TJP2: variants seen among roughly 807,000 people sequenced by gnomAD.
TJP2 encodes tight junction protein 2.
TJP2 carries 91 observed loss-of-function variants against 133.1 expected under a neutral mutation model. The observed-to-expected ratio is 0.68, with a 90% CI of 0.58 to 0.81. The LOEUF (loss-of-function observed/expected upper bound fraction) is 0.81, where lower values mean the gene tolerates loss of function less well. Among genes scored for constraint, TJP2 ranks in the 40% least tolerant of loss-of-function variants. TJP2 has a pLI of 0.00. For missense variants in TJP2, 1,541 were observed against 1,565.6 expected (o/e 0.98, Z 0.26); for synonymous variants, 592 against 583.4 (o/e 1.01, Z -0.21).
intron 18 of TJP2, among the ~76,000 whole-genome samples, chr9:69,247,161 A>T (rs1563958166): frequency 1.3e-5 from 2 of 152,234 alleles, no homozygotes. Context: ...GAATACGGCT[A>T]AACATTAATA....
intron 1 of TJP2, among the ~76,000 whole-genome samples, chr9:69,134,249 TACA>T (rs1822629864): frequency 6.6e-6 from 1 of 152,188 alleles, no homozygotes; most frequent in African/African-American, 2.4e-5. Context: ...GTGAAATGGA[TACA>T]ACGTCAGCAA....
At chr9:69,173,861 G>A (rs1017249282), upstream of TJP2, among the ~76,000 whole-genome samples, 1 of 152,202 alleles carries the variant, frequency 6.6e-6, no homozygotes, top group Non-Finnish European at 1.5e-5. Context: ...GCTCACTCCA[G>A]GTCTCCAAAC....
intron 1 of TJP2, among the ~76,000 whole-genome samples, chr9:69,180,664 G>C (rs948112540): frequency 6.6e-6 from 1 of 152,130 alleles, no homozygotes; most frequent in Non-Finnish European, 1.5e-5. Context: ...ACTGTTCCTA[G>C]GTATATATGG....
intron 1 of TJP2, chr9:69,122,345 C>G (rs970688662): frequency 5.3e-5 from 8 of 152,356 alleles, no homozygotes; most frequent in African/African-American, 1.7e-4. Context: ...GAGCCTCCGC[C>G]GCGGGGCTTG....
At chr9:69,253,073 A>C in intron 22 of TJP2, 173 bp downstream of exon 22, 1 of 649,012 alleles carries the variant, frequency 1.5e-6, no homozygotes, top group South Asian at 1.9e-5. Flanking sequence ...TACAGAGTCA[A>C]AACTTAAGCA....
intron 1 of TJP2, among the ~76,000 whole-genome samples, chr9:69,183,230 G>A (rs1825637604): frequency 6.6e-6 from 1 of 152,066 alleles, no homozygotes; most frequent in African/African-American, 2.4e-5. Flanking sequence ...TAGTTCCAGA[G>A]GTAGGTGAAT....
At chr9:69,202,556 C>T (rs1827070975) in intron 1 of TJP2, among the ~76,000 whole-genome samples, 1 of 152,142 alleles carries the variant, frequency 6.6e-6, no homozygotes, top group South Asian at 2.1e-4. Flanking sequence ...ATAACATAAA[C>T]AGTCAATGAA....
At chr9:69,250,238 G>A (rs2133484023) in intron 20 of TJP2, among the ~76,000 whole-genome samples, 1 of 152,278 alleles carries the variant, frequency 6.6e-6, no homozygotes, top group East Asian at 1.9e-4. Context: ...GAGTAGCTGG[G>A]ACTTAGAGGT....
chr9:69,199,381 T>A (rs1035576083), intron 1 of TJP2, among the ~76,000 whole-genome samples: 12 of 152,014 alleles, frequency 7.9e-5, no homozygotes, highest in African/African-American at 2.9e-4. Context: ...TTAAAAAAAA[T>A]TAGCCAGGTG....
intron 5 of TJP2, among the ~76,000 whole-genome samples, chr9:69,223,640 G>T (rs559894898): frequency 3.6e-4 from 50 of 140,734 alleles, no homozygotes; most frequent in Non-Finnish European, 7.1e-4. Context: ...TTGAGGAATT[G>T]TTGAAAAATG....
chr9:69,151,626 T>C (rs935854540), intron 1 of TJP2: 1 of 1,232,104 alleles, frequency 8.1e-7, no homozygotes, highest in East Asian at 3.2e-5. Context: ...GCATGTTGGA[T>C]TTTTAACAAC....
At chr9:69,246,509 TG>T in intron 17 of TJP2, 180 bp from the exon 18 acceptor site, 2 of 638,676 alleles carry the variant, frequency 3.1e-6, no homozygotes, top group Non-Finnish European at 5.7e-6. Flanking sequence ...AACAGCTACA[TG>T]ATTAGTAGTT....
intron 5 of TJP2, 74 bp downstream of exon 5, chr9:69,221,570 T>G: frequency 6.6e-7 from 1 of 1,504,112 alleles, no homozygotes; most frequent in Non-Finnish European, 9.0e-7. Flanking sequence ...TTTTTTTTTT[T>G]CCCCCGAAAG....
At chr9:69,136,117 G>T (rs1466498202) in intron 1 of TJP2, among the ~76,000 whole-genome samples, 1 of 152,126 alleles carries the variant, frequency 6.6e-6, no homozygotes, top group Non-Finnish European at 1.5e-5. Context: ...ATACCACCAA[G>T]AAACTTTTAT....
At chr9:69,210,074 G>A (rs1827752303) in intron 1 of TJP2, among the ~76,000 whole-genome samples, 2 of 152,102 alleles carry the variant, frequency 1.3e-5, no homozygotes, top group African/African-American at 2.4e-5. Flanking sequence ...ACCATTTGAG[G>A]TCAGGAGTTT....
At chr9:69,212,523 G>C (rs1222762692) in intron 1 of TJP2, 25 bp from the exon 2 acceptor site, 1 of 1,589,140 alleles carries the variant, frequency 6.3e-7, no homozygotes, top group Admixed American at 1.7e-5. Context: ...GTTTTCATCA[G>C]ATTGGTTTTG....
chr9:69,249,409 A>G lies in TJP2; in HGVS notation c.2915A>G (p.Gln972Arg). ...AAACCCAGCCCAGAGCCACGAGCTC[A>G]GATGAGGAGGGCTGCTAGCAGCGAT... The part of the protein sequence containing the change: ...IRKPSPEPRA[Q>R]MRRAASSDQL... The change falls in exon 20 of 23, where the codon CAG becomes CGG. Residue 972 changes from glutamine (Q) to arginine (R), a missense_variant. Coordinates refer to ENST00000377245, the MANE Select transcript of TJP2 (RefSeq NM_004817.4). 6.2e-7 allele frequency: 1 copy of G among 1,611,904 alleles called. No homozygotes were observed. Among genetic ancestry groups the G allele is most frequent in the African/African-American group, 1.3e-5 (1 of 75,034 alleles).
Position 69,240,165 on chromosome 9 carries a change from G to A in TJP2, c.2566+18G>A, listed in dbSNP as rs749904389. 6 of 1,601,980 alleles carry A rather than the reference G, an allele frequency of 3.7e-6. No individual in the cohort carries two copies. Among genetic ancestry groups the A allele is most frequent in the African/African-American group, 2.7e-5 (2 of 74,578 alleles). On this transcript the variant is annotated intron_variant, in intron 17 of 22. Transcript: ENST00000377245. ...TTTTACAGGTAAGTGAAATGTAAATGTAGTCCCTTTGCTAAAAAATGAGAA... is the reference window on the plus strand; with the variant it reads ...TTTTACAGGTAAGTGAAATGTAAATATAGTCCCTTTGCTAAAAAATGAGAA...
chr9:69,144,028 A>C (rs1323925939), intron 1 of TJP2, among the ~76,000 whole-genome samples: 2 of 152,108 alleles, frequency 1.3e-5, no homozygotes, highest in East Asian at 3.9e-4. Flanking sequence ...TTTGAGACAG[A>C]GTCTCTCTCT....
Sources: gnomAD v4.1 joint callset for allele counts (sites outside exome capture counted in the v4.1 genomes callset) on GRCh38, gnomAD v4.1.1 for gene constraint, MANE v1.5 for transcripts, NCBI Gene and HGNC (gene_info 2026-07-23, HGNC 2026-07-21) for gene names.